Variants in USP24 observed in about 807,000 individuals in gnomAD.
USP24 encodes ubiquitin carboxyl-terminal hydrolase 24.
USP24 carries 97 observed loss-of-function variants against 361.6 expected under a neutral mutation model. That is an observed-to-expected ratio of 0.27 (90% confidence interval 0.23 to 0.32). The LOEUF (loss-of-function observed/expected upper bound fraction) is 0.32. Among genes scored for constraint, USP24 ranks in the 10% least tolerant of loss-of-function variants. The pLI is 1.00. For synonymous variants in USP24, 1,098 were observed against 1,124.6 expected (o/e 0.98, Z 0.47); for missense variants, 2,353 against 3,165.6 (o/e 0.74, Z 6.16).
chr1:55,134,264 G>C, intron 29 of USP24, 64 bp downstream of exon 29: 2 of 1,567,894 alleles, frequency 1.3e-6, no homozygotes, highest in Non-Finnish European at 1.7e-6. Flanking sequence ...CAAGTGAAAA[G>C]TTACTTGGCT....
chr1:55,192,088 T>C (rs1438255884), intron 1 of USP24, among the ~76,000 whole-genome samples: 1 of 152,206 alleles, frequency 6.6e-6, no homozygotes, highest in Non-Finnish European at 1.5e-5. Flanking sequence ...AAAATCTACC[T>C]AATCCTTGCA....
intron 16 of USP24, among the ~76,000 whole-genome samples, chr1:55,153,515 T>C (rs780942310): frequency 8.2e-4 from 125 of 152,274 alleles, no homozygotes; most frequent in Non-Finnish European, 1.2e-3. Flanking sequence ...ATTTCTCCTT[T>C]ATGGGAGAAA....
At chr1:55,090,275 G>A (rs1040937215) in intron 54 of USP24, among the ~76,000 whole-genome samples, 1 of 152,040 alleles carries the variant, frequency 6.6e-6, no homozygotes, top group African/African-American at 2.4e-5. Context: ...GTCCCAAAAT[G>A]ATCATTGTGT....
intron 2 of USP24, 107 bp downstream of exon 2, chr1:55,177,860 A>C: frequency 1.9e-6 from 2 of 1,067,518 alleles, no homozygotes; most frequent in Non-Finnish European, 2.6e-6. Flanking sequence ...TAAGAGAATA[A>C]ATGATCTGTC....
intron 60 of USP24, 56 bp from the exon 61 acceptor site, chr1:55,078,707 C>A: frequency 7.3e-7 from 1 of 1,360,948 alleles, no homozygotes; most frequent in South Asian, 1.3e-5. Context: ...AACACTCCAT[C>A]TGTTGTTGCT....
chr1:55,207,302 T>C (rs1485167540), intron 1 of USP24, among the ~76,000 whole-genome samples: 13 of 144,898 alleles, frequency 9.0e-5, no homozygotes, highest in Admixed American at 2.7e-4. Context: ...AAAAAGGAAA[T>C]GCTGAACTGT....
At chr1:55,119,819 AT>A (rs755171370) in intron 38 of USP24, among the ~76,000 whole-genome samples, 43 of 152,134 alleles carry the variant, frequency 2.8e-4, no homozygotes, top group Non-Finnish European at 5.6e-4. Context: ...GAAAATTTTA[AT>A]TTTTATGGAG....
rs373597726 is a variant in USP24, at chr1:55,105,815, G to C, written c.4880+331C>G. Among the ~76,000 whole-genome samples the C allele has an allele frequency of 3.9e-5, 6 of 152,300 alleles. 1 individual carries two copies. The South Asian group carries it at 1.2e-3, about 32-fold the overall frequency. On this transcript the variant is annotated intron_variant, in intron 41 of 67. Transcript: ENST00000294383. ...TCGTTTTCTCCTGAGAAACCTTCAA[G>C]ATTTTACTCAGAGCCTATTTACTTG...
intron 1 of USP24, among the ~76,000 whole-genome samples, chr1:55,187,718 T>A (rs1557686215): frequency 6.6e-6 from 1 of 152,054 alleles, no homozygotes; most frequent in Admixed American, 6.5e-5. Context: ...AAGAATAAAA[T>A]ACTTAGGAAG....
chr1:55,123,107 C>T (rs529032181), intron 36 of USP24, among the ~76,000 whole-genome samples: 7 of 152,248 alleles, frequency 4.6e-5, no homozygotes, highest in African/African-American at 1.7e-4. Context: ...ATTTTTAATA[C>T]TAGAGTCATT....
intron 55 of USP24, chr1:55,086,263 C>T (rs1169063725): frequency 1.8e-6 from 1 of 570,844 alleles, no homozygotes; most frequent in Non-Finnish European, 3.1e-6. Flanking sequence ...TTCACTAAGA[C>T]TCTATGTGGC....
chr1:55,070,976 C>T (rs538935057), intron 67 of USP24: 8 of 249,072 alleles, frequency 3.2e-5, no homozygotes, highest in African/African-American at 1.9e-4. Flanking sequence ...CTTTTATTTT[C>T]TCTGCAAATG....
At chr1:55,178,577 G>A (rs1302770180) in intron 1 of USP24, among the ~76,000 whole-genome samples, 4 of 152,112 alleles carry the variant, frequency 2.6e-5, no homozygotes, top group Admixed American at 1.3e-4. Context: ...GCTGAGGCAG[G>A]AGAATGGCGT....
chr1:55,105,604 C>T (rs1386650081), intron 41 of USP24, among the ~76,000 whole-genome samples: 2 of 152,154 alleles, frequency 1.3e-5, no homozygotes, highest in South Asian at 2.1e-4. Context: ...CTTCTTCCTA[C>T]CTCCAAGAGT....
At chr1:55,117,500 G>A (rs1464297921) in intron 38 of USP24, among the ~76,000 whole-genome samples, 3 of 150,904 alleles carry the variant, frequency 2.0e-5, no homozygotes, top group Non-Finnish European at 4.4e-5. Flanking sequence ...AGGCCGAGGC[G>A]GGTGGATCAT....
At chr1:55,115,049 G>GA (rs1019106222) in intron 38 of USP24, among the ~76,000 whole-genome samples, 12 of 149,678 alleles carry the variant, frequency 8.0e-5, no homozygotes, top group African/African-American at 2.7e-4. Flanking sequence ...AAACTTACAA[G>GA]AAAAAAACAA....
intron 1 of USP24, among the ~76,000 whole-genome samples, chr1:55,196,793 TG>T (rs1644430896): frequency 6.6e-6 from 1 of 152,224 alleles, no homozygotes; most frequent in African/African-American, 2.4e-5. Context: ...AAAGTTATCG[TG>T]ACAGTTGCCT....
chr1:55,137,156 G>A (rs560422625), intron 28 of USP24, among the ~76,000 whole-genome samples: 61 of 152,296 alleles, frequency 4.0e-4, no homozygotes, highest in African/African-American at 1.4e-3. Context: ...AGGGGGAAGC[G>A]ATCACACGTA....
chr1:55,146,254 C>A (rs1647026607), intron 19 of USP24, 145 bp from the exon 20 acceptor site: 4 of 547,876 alleles, frequency 7.3e-6, no homozygotes, highest in Admixed American at 3.6e-5. Flanking sequence ...GCTTGGAATT[C>A]TGAAATTAAA....
Sources: gnomAD v4.1 joint callset for allele counts (sites outside exome capture counted in the v4.1 genomes callset) on GRCh38, gnomAD v4.1.1 for gene constraint, MANE v1.5 for transcripts, NCBI Gene and HGNC (gene_info 2026-07-23, HGNC 2026-07-21) for gene names.